Variants in MOB1B observed in about 807,000 individuals in gnomAD.
MOB1B encodes MOB1 Mps One Binder homolog B.
Under a neutral mutation model 24.4 loss-of-function variants are expected in MOB1B, and 19 were observed. The observed-to-expected ratio is 0.78, with a 90% CI of 0.54 to 1.14. MOB1B has a LOEUF of 1.14. MOB1B is among the 50% of genes most tolerant of loss of function. The pLI, the probability that MOB1B is intolerant of heterozygous loss-of-function variation, is 0.00. For missense variants in MOB1B, 243 were observed against 259.6 expected, an observed-to-expected ratio of 0.94 and a Z score of 0.44; for synonymous variants, 76 against 82.1, an observed-to-expected ratio of 0.93 and a Z score of 0.40.
intron 1 of MOB1B, among the ~76,000 whole-genome samples, chr4:70,947,452 C>G (rs1383185516): frequency 6.6e-6 from 1 of 151,872 alleles, no homozygotes; most frequent in African/African-American, 2.4e-5. Context: ...TTTTTTCCCC[C>G]CCGCCAGAGA....
chr4:70,913,261 TATGTATG>T (rs1489459669), intron 1 of MOB1B, among the ~76,000 whole-genome samples: 1 of 119,006 alleles, frequency 8.4e-6, no homozygotes, highest in Non-Finnish European at 1.7e-5. Context: ...TTTGTATGGG[TATGTATG>T]TATGTATGTA....
intron 4 of MOB1B, among the ~76,000 whole-genome samples, chr4:70,977,449 A>G (rs1739051575): frequency 6.6e-6 from 1 of 152,178 alleles, no homozygotes; most frequent in Admixed American, 6.5e-5. Context: ...TGTTTTACCA[A>G]TCTGCATCAT....
chr4:70,914,757 C>T (rs929693202), intron 1 of MOB1B, among the ~76,000 whole-genome samples: 3 of 152,158 alleles, frequency 2.0e-5, no homozygotes, highest in Non-Finnish European at 2.9e-5. Flanking sequence ...TAGTTGTTTG[C>T]TCTGTCCCTG....
chr4:70,973,469 CAAAAAAAAAAAA>C (rs528813623), intron 3 of MOB1B, among the ~76,000 whole-genome samples: 1 of 49,424 alleles, frequency 2.0e-5, no homozygotes, highest in Non-Finnish European at 4.8e-5. Flanking sequence ...GACCCTGTCT[CAAAAAAAAAAAA>C]AAAAAAAAAA....
chr4:70,946,236 G>A (rs1737576937), intron 1 of MOB1B, among the ~76,000 whole-genome samples: 1 of 152,058 alleles, frequency 6.6e-6, no homozygotes, highest in Non-Finnish European at 1.5e-5. Context: ...ATTTGTCATA[G>A]TGAATCAAAT....
intron 3 of MOB1B, among the ~76,000 whole-genome samples, chr4:70,970,594 G>A (rs962911282): frequency 3.3e-5 from 5 of 152,176 alleles, no homozygotes; most frequent in African/African-American, 1.2e-4. Context: ...GGTTGAATCA[G>A]TACATTTTGG....
chr4:70,928,400 A>C (rs1560637788), intron 1 of MOB1B, among the ~76,000 whole-genome samples: 1 of 150,748 alleles, frequency 6.6e-6, no homozygotes, highest in East Asian at 2.0e-4. Context: ...GGTTCAAGCG[A>C]TTCTCCTGCT....
intron 1 of MOB1B, among the ~76,000 whole-genome samples, chr4:70,928,022 T>G (rs559892545): frequency 6.6e-6 from 1 of 152,282 alleles, no homozygotes; most frequent in East Asian, 1.9e-4. Flanking sequence ...GCTGTTATTC[T>G]TCTCCTCCCC....
intron 1 of MOB1B, among the ~76,000 whole-genome samples, chr4:70,921,479 TCTCTCCCCTCCCCTC>T (rs1736434160): frequency 9.9e-6 from 1 of 101,414 alleles, no homozygotes; most frequent in Non-Finnish European, 2.1e-5. Flanking sequence ...TCTCTTCTCT[TCTCTCCCCTCCCCTC>T]CCCTCCCCTC....
intron 4 of MOB1B, chr4:70,976,439 G>A (rs1738999505): frequency 1.1e-5 from 11 of 985,272 alleles, no homozygotes; most frequent in Non-Finnish European, 1.3e-5. Context: ...GATTTGAGGG[G>A]TTGCTGTATC....
intron 1 of MOB1B, among the ~76,000 whole-genome samples, chr4:70,908,158 TG>T (rs1439015291): frequency 6.6e-6 from 1 of 151,476 alleles, no homozygotes; most frequent in Admixed American, 6.6e-5. Context: ...CTCGAGTAGC[TG>T]GGACTACAGG....
At chr4:70,911,506 A>G (rs1449926263) in intron 1 of MOB1B, among the ~76,000 whole-genome samples, 2 of 152,084 alleles carry the variant, frequency 1.3e-5, no homozygotes, top group East Asian at 1.9e-4. Flanking sequence ...CTTTTCAGAA[A>G]GAACTGTAGT....
At chr4:70,956,950 C>T (rs901797173) in intron 1 of MOB1B, among the ~76,000 whole-genome samples, 1 of 151,944 alleles carries the variant, frequency 6.6e-6, no homozygotes, top group Non-Finnish European at 1.5e-5. Flanking sequence ...TTTGACAGCT[C>T]CTCAGATGAT....
At chr4:70,966,248 GT>G (rs1183514321) in intron 2 of MOB1B, among the ~76,000 whole-genome samples, 1 of 152,108 alleles carries the variant, frequency 6.6e-6, no homozygotes, top group African/African-American at 2.4e-5. Flanking sequence ...ACAAAGGTTA[GT>G]TTAGCATCTG....
At chr4:70,958,226 A>G (rs1359281446) in intron 1 of MOB1B, among the ~76,000 whole-genome samples, 2 of 149,794 alleles carry the variant, frequency 1.3e-5, no homozygotes, top group Non-Finnish European at 3.0e-5. Context: ...GTGCAGTGGC[A>G]CAATCTTGGG....
At chr4:70,941,160 CTTT>C (rs775651257) in intron 1 of MOB1B, among the ~76,000 whole-genome samples, 1 of 135,450 alleles carries the variant, frequency 7.4e-6, no homozygotes, top group Non-Finnish European at 1.6e-5. Context: ...TACTTTGGCT[CTTT>C]TTTTTTTTTT....
intron 3 of MOB1B, among the ~76,000 whole-genome samples, 170 bp from the exon 4 acceptor site, chr4:70,974,983 G>T (rs758970833): frequency 5.9e-5 from 9 of 152,178 alleles, no homozygotes; most frequent in Non-Finnish European, 1.3e-4. Flanking sequence ...AGTTTGGATT[G>T]TGATAAACGC....
In MOB1B at chr4:70,925,265, G is replaced by A. The variant is rs1191429881; in HGVS notation, c.14+22715G>A. 2.0e-5 allele frequency among the ~76,000 whole-genome samples: 3 copies of A among 152,254 alleles called. No individual in the cohort carries two copies. In the East Asian group the frequency reaches 5.8e-4, roughly 29 times the overall value. ...TTGGCCAGGCTGGTCTTGAACGCCTGACCTCTGGTGATCTGCCCTCCTCAG... is the reference window on the plus strand; with the variant it reads ...TTGGCCAGGCTGGTCTTGAACGCCTAACCTCTGGTGATCTGCCCTCCTCAG... On this transcript the variant is annotated intron_variant, in intron 1 of 5. Transcript: ENST00000309395.
intron 1 of MOB1B, among the ~76,000 whole-genome samples, chr4:70,952,342 T>C (rs555761702): frequency 5.3e-4 from 81 of 152,060 alleles, no homozygotes; most frequent in Non-Finnish European, 1.1e-3. Context: ...ACTATGCTAC[T>C]GTGTAAAAGC....
Sources: allele counts gnomAD v4.1 joint callset (sites outside exome capture counted in the v4.1 genomes callset), GRCh38; gene constraint gnomAD v4.1.1; transcripts MANE v1.5; gene names NCBI Gene and HGNC (gene_info 2026-07-23, HGNC 2026-07-21).